Variants in KAZN observed in about 807,000 individuals in gnomAD.
KAZN encodes the protein kazrin.
A neutral mutation model predicts 87.4 loss-of-function variants in KAZN; 40 were observed. That is an observed-to-expected ratio of 0.46 (90% CI 0.36 to 0.60). The LOEUF is 0.60. Ranked by LOEUF, KAZN falls within the 20% of genes least tolerant of loss-of-function variation. The pLI is 0.00. For missense variants in KAZN, 898 were observed against 1,073.9 expected (o/e 0.84, Z 2.29); for synonymous variants, 466 against 458.3 (o/e 1.02, Z -0.22).
At chr1:14,353,958 T>C (rs982645886) in intron 2 of KAZN, among the ~76,000 whole-genome samples, 3 of 152,182 alleles carry the variant, frequency 2.0e-5, no homozygotes, top group Non-Finnish European at 4.4e-5. Context: ...GCAAATGCCA[T>C]AGAATTTCTA....
chr1:13,941,074 A>G (rs1005279272), intron 1 of KAZN, among the ~76,000 whole-genome samples: 2 of 152,024 alleles, frequency 1.3e-5, no homozygotes, highest in Non-Finnish European at 2.9e-5. Flanking sequence ...CATGCCTATA[A>G]TCCCAGCTAC....
intron 1 of KAZN, among the ~76,000 whole-genome samples, chr1:14,660,665 A>C (rs77519257): frequency 6.8e-6 from 1 of 147,882 alleles, no homozygotes; most frequent in African/African-American, 2.5e-5. Context: ...TGATCTATCT[A>C]CAGGATTGTG....
chr1:14,904,499 G>A (rs530836213), intron 1 of KAZN, among the ~76,000 whole-genome samples: 16 of 152,144 alleles, frequency 1.1e-4, no homozygotes, highest in Admixed American at 2.0e-4. Flanking sequence ...CCACATGGAC[G>A]TCAGCTTGTA....
At chr1:14,377,484 G>C (rs945447666) in intron 2 of KAZN, among the ~76,000 whole-genome samples, 2 of 152,166 alleles carry the variant, frequency 1.3e-5, no homozygotes, top group Non-Finnish European at 2.9e-5. Context: ...AACAAGCAGA[G>C]AAACAGTCTC....
At chr1:14,880,982 T>TG (rs1195641233) in intron 1 of KAZN, among the ~76,000 whole-genome samples, 2 of 152,166 alleles carry the variant, frequency 1.3e-5, no homozygotes, top group African/African-American at 4.8e-5. Context: ...CCAGTTAACA[T>TG]GGGGAAAACA....
intron 1 of KAZN, among the ~76,000 whole-genome samples, chr1:14,031,281 A>C (rs185779812): frequency 6.6e-6 from 1 of 152,346 alleles, no homozygotes; most frequent in East Asian, 1.9e-4. Context: ...AATTATATAC[A>C]AAAAATGATT....
chr1:14,607,163 A>G (rs1390591517), intron 1 of KAZN, among the ~76,000 whole-genome samples: 2 of 152,226 alleles, frequency 1.3e-5, no homozygotes, highest in Non-Finnish European at 2.9e-5. Flanking sequence ...CATGAGGATC[A>G]TTGATTTAAT....
chr1:15,034,378 T>C (rs1672038105), intron 2 of KAZN, among the ~76,000 whole-genome samples: 1 of 152,198 alleles, frequency 6.6e-6, no homozygotes, highest in African/African-American at 2.4e-5. Flanking sequence ...CCAGGGTTCC[T>C]TTTGAGAGGG....
intron 1 of KAZN, among the ~76,000 whole-genome samples, chr1:13,925,747 G>A (rs766589476): frequency 6.6e-5 from 10 of 152,176 alleles, no homozygotes; most frequent in Non-Finnish European, 1.3e-4. Flanking sequence ...TCTGGCCAGC[G>A]GTTGAAAATG....
intron 2 of KAZN, among the ~76,000 whole-genome samples, chr1:14,567,611 A>T (rs1337513000): frequency 1.3e-5 from 2 of 152,256 alleles, no homozygotes; most frequent in African/African-American, 4.8e-5. Context: ...TGAACTGCTT[A>T]AATATTTTTA....
intron 1 of KAZN, among the ~76,000 whole-genome samples, chr1:14,754,225 A>C (rs115909943): frequency 1.3e-3 from 194 of 152,272 alleles, no homozygotes; most frequent in Middle Eastern, 3.4e-3. Flanking sequence ...GCTTTGGGAG[A>C]AAGACAATGA....
chr1:15,070,650 T>C (rs1639465054), intron 8 of KAZN, among the ~76,000 whole-genome samples: 1 of 152,164 alleles, frequency 6.6e-6, no homozygotes, highest in Admixed American at 6.5e-5. Context: ...GGGACATCAG[T>C]CGTTTGACAA....
chr1:14,890,840 CT>C lies in KAZN; in HGVS notation c.227-69821del, dbSNP rs34718502. Among the ~76,000 whole-genome samples the C allele has an allele frequency of 4.8e-3, 337 of 69,668 alleles. 11 individuals carry two copies. The South Asian group carries it at 0.057, about 12-fold the overall frequency. 45.7% of individuals were successfully genotyped at this position (69,668 alleles called of 152,430 possible). On this transcript the variant is annotated intron_variant, in intron 1 of 14. Coordinates refer to ENST00000376030, the MANE Select transcript of KAZN (RefSeq NM_201628.3). Reference sequence around the variant, plus strand: ...CACTGTGCCCAGCCAGGAATCTGGACTTTTTTTTTTTTTTTTTTTTTTTGAA... The same window carrying C: ...CACTGTGCCCAGCCAGGAATCTGGACTTTTTTTTTTTTTTTTTTTTTTGAA...
intron 1 of KAZN, among the ~76,000 whole-genome samples, chr1:14,895,110 C>G (rs1039476870): frequency 6.6e-6 from 1 of 152,266 alleles, no homozygotes; most frequent in Non-Finnish European, 1.5e-5. Context: ...TGGCCCCTCC[C>G]TGGCTTTGCC....
rs118162756 is a variant in KAZN, at chr1:14,032,196, A to G, written c.91+138440A>G. ...GTCAGGGAACCCAATTATTTCTCAT[A>G]ACAATAAGCAACACTTGCTGTTTGC... On this transcript the variant is annotated intron_variant, in intron 1 of 16. Coordinates refer to the KAZN transcript ENST00000636203. Among the ~76,000 whole-genome samples the G allele has an allele frequency of 3.3e-5, 5 of 152,310 alleles. 1 individual carries two copies. Among genetic ancestry groups the G allele is most frequent in the East Asian group, 3.9e-4 (2 of 5,180 alleles).
intron 1 of KAZN, among the ~76,000 whole-genome samples, chr1:14,038,875 G>A (rs1641677021): frequency 6.6e-6 from 1 of 152,104 alleles, no homozygotes; most frequent in South Asian, 2.1e-4. Context: ...TGTAAAAGTA[G>A]GGATTAAAGG....
At chr1:13,904,882 T>A (rs1639378750) in intron 1 of KAZN, among the ~76,000 whole-genome samples, 1 of 152,224 alleles carries the variant, frequency 6.6e-6, no homozygotes, top group Non-Finnish European at 1.5e-5. Context: ...CTTTAGAAAT[T>A]CCTTTGTGAC....
chr1:14,262,522 G>A (rs974825489), intron 2 of KAZN, among the ~76,000 whole-genome samples: 2 of 152,130 alleles, frequency 1.3e-5, no homozygotes, highest in African/African-American at 2.4e-5. Flanking sequence ...TAAATTCTAC[G>A]CTAGAGCCTT....
intron 1 of KAZN, among the ~76,000 whole-genome samples, chr1:14,912,880 C>G (rs2101405309): frequency 6.6e-6 from 1 of 152,292 alleles, no homozygotes; most frequent in Middle Eastern, 3.4e-3. Flanking sequence ...CCTCGGTTTA[C>G]TCCGTTTTAA....
Sources: allele counts gnomAD v4.1 joint callset (sites outside exome capture counted in the v4.1 genomes callset), GRCh38; gene constraint gnomAD v4.1.1; transcripts MANE v1.5; gene names NCBI Gene and HGNC (gene_info 2026-07-23, HGNC 2026-07-21).